Variants in WWC2 observed in about 807,000 individuals in gnomAD.
WWC2 encodes the protein protein WWC2.
A neutral mutation model predicts 138.5 loss-of-function variants in WWC2; 101 were observed. The ratio of observed to expected loss-of-function variants is 0.73; its 90% CI spans 0.62 to 0.86. The LOEUF (loss-of-function observed/expected upper bound fraction) is 0.86. WWC2 is among the 40% of genes least tolerant of loss of function. The pLI is 0.00. For synonymous variants in WWC2, 558 were observed against 538.4 expected (o/e 1.04, Z -0.50); for missense variants, 1,420 against 1,419.4 (o/e 1.00, Z -0.01).
chr4:183,220,631 G>A (rs142309849), intron 4 of WWC2, among the ~76,000 whole-genome samples: 8,826 of 151,568 alleles, frequency 0.058, 830 homozygotes, highest in African/African-American at 0.2. Flanking sequence ...TCAGGAGATT[G>A]AGACCATCCT....
chr4:183,287,491 G>A lies in WWC2; in HGVS notation c.3141+1432G>A, dbSNP rs953415241. Among the ~76,000 whole-genome samples, 8 of 152,228 alleles carry A rather than the reference G, an allele frequency of 5.3e-5. No homozygotes were observed. In the East Asian group the frequency reaches 5.8e-4, roughly 11 times the overall value. ...TATGAATCGAGTGGAGTTGAGAAAC[G>A]GTTAGGTTACTGATAAACTTAGTTA... On this transcript the variant is annotated intron_variant, in intron 20 of 22. Coordinates refer to ENST00000403733, the MANE Select transcript of WWC2 (RefSeq NM_024949.6).
At chr4:183,314,826 C>T (rs993809304) in intron 22 of WWC2, among the ~76,000 whole-genome samples, 2 of 152,198 alleles carry the variant, frequency 1.3e-5, no homozygotes, top group Non-Finnish European at 2.9e-5. Flanking sequence ...AGCAGTAGCT[C>T]GTTCCAGTGT....
intron 1 of WWC2, among the ~76,000 whole-genome samples, chr4:183,170,794 G>A (rs897450371): frequency 1.3e-5 from 2 of 151,868 alleles, no homozygotes; most frequent in African/African-American, 4.8e-5. Flanking sequence ...AACTCCTCAA[G>A]TGATCCTTTT....
chr4:183,201,799 A>G (rs1387975980), intron 2 of WWC2, among the ~76,000 whole-genome samples: 2 of 152,216 alleles, frequency 1.3e-5, no homozygotes, highest in Non-Finnish European at 2.9e-5. Flanking sequence ...TAGTATTTCT[A>G]TTCTAATCTA....
At position 183,200,069 on chromosome 4, in the gene WWC2, AT is replaced by A. The variant is rs143202573; in HGVS notation, c.241+6364del. Among the ~76,000 whole-genome samples, 787 of 152,278 alleles carry A rather than the reference AT, an allele frequency of 5.2e-3. 5 individuals are homozygous for A. Among genetic ancestry groups the A allele is most frequent in the African/African-American group, 0.018 (760 of 41,562 alleles). ...TTGGGAACCCTCTTTTGTAGTTCATATTTGAATTGTGCAGTATTTCAGAAAT... is the reference window on the plus strand; with the variant it reads ...TTGGGAACCCTCTTTTGTAGTTCATATTGAATTGTGCAGTATTTCAGAAAT... On this transcript the variant is annotated intron_variant, in intron 2 of 22. Coordinates refer to ENST00000403733, the MANE Select transcript of WWC2 (RefSeq NM_024949.6).
intron 1 of WWC2, among the ~76,000 whole-genome samples, chr4:183,118,753 T>C (rs938992426): frequency 2.0e-5 from 3 of 152,290 alleles, no homozygotes; most frequent in African/African-American, 7.2e-5. Context: ...AAAACATTCC[T>C]AAAATGCTAT....
chr4:183,133,500 T>C (rs1384497158), intron 1 of WWC2, among the ~76,000 whole-genome samples: 1 of 152,090 alleles, frequency 6.6e-6, no homozygotes, highest in Non-Finnish European at 1.5e-5. Context: ...TGCTTTTCTT[T>C]TACTTTTTCT....
chr4:183,202,772 G>A (rs1273234642), intron 2 of WWC2, among the ~76,000 whole-genome samples: 1 of 152,184 alleles, frequency 6.6e-6, no homozygotes, highest in East Asian at 1.9e-4. Flanking sequence ...GTTAACATGG[G>A]TGCAGAGTGA....
chr4:183,308,925 G>T (rs1370166878), intron 21 of WWC2, among the ~76,000 whole-genome samples: 1 of 152,082 alleles, frequency 6.6e-6, no homozygotes, highest in Non-Finnish European at 1.5e-5. Context: ...GATACAGAGG[G>T]CTGACTATAT....
intron 4 of WWC2, among the ~76,000 whole-genome samples, chr4:183,234,962 A>G (rs1396070566): frequency 6.6e-6 from 1 of 152,240 alleles, no homozygotes. Flanking sequence ...AGTAGCTAGA[A>G]TGATGCCAAG....
In WWC2 at chr4:183,289,400, G is replaced by A. The variant is rs1280639522; in HGVS notation, c.3149G>A (p.Cys1050Tyr). 3.7e-6 allele frequency: 6 copies of A among 1,611,008 alleles called. No homozygotes were observed. Among genetic ancestry groups the A allele is most frequent in the African/African-American group, 2.7e-5 (2 of 74,926 alleles). ...CCGTTTCTAACTATCCAGACGGTTT[G>A]CCAGTCAGTCCTTAGAAGAACAACA... ...RRSLRVKRTVCQSVLRRTTQE... is the reference protein window; with the variant it reads ...RRSLRVKRTVYQSVLRRTTQE... The change falls in exon 21 of 23, where the codon TGC becomes TAC. Residue 1050 changes from cysteine to tyrosine, a missense_variant. Coordinates refer to ENST00000403733, the MANE Select transcript of WWC2 (RefSeq NM_024949.6).
intron 1 of WWC2, among the ~76,000 whole-genome samples, chr4:183,142,377 C>A: frequency 6.6e-6 from 1 of 152,144 alleles, no homozygotes; most frequent in South Asian, 2.1e-4. Flanking sequence ...TAGGTTGCCA[C>A]CCCTCCCCTT....
chr4:183,271,771 A>G (rs1395693238), intron 16 of WWC2, among the ~76,000 whole-genome samples: 1 of 152,216 alleles, frequency 6.6e-6, no homozygotes, highest in African/African-American at 2.4e-5. Flanking sequence ...TGGGAAGCTG[A>G]GGCAGGCGAA....
At chr4:183,252,574 T>G (rs531855701) in intron 8 of WWC2, among the ~76,000 whole-genome samples, 15 of 152,202 alleles carry the variant, frequency 9.9e-5, no homozygotes, top group Non-Finnish European at 1.9e-4. Context: ...ATTTTCCTCC[T>G]CCTTCTCCTG....
intron 4 of WWC2, chr4:183,233,756 C>T (rs1193754913): frequency 6.6e-6 from 1 of 152,122 alleles, no homozygotes; most frequent in Non-Finnish European, 1.5e-5. Flanking sequence ...ATTCTGAATT[C>T]TTTGACTATC....
chr4:183,250,067 G>A, intron 8 of WWC2, 74 bp downstream of exon 8: 1 of 1,371,376 alleles, frequency 7.3e-7, no homozygotes, highest in Middle Eastern at 1.8e-4. Context: ...CTCCTGTGGT[G>A]ACATCTGCTG....
At chr4:183,202,450 A>C (rs1333590706) in intron 2 of WWC2, among the ~76,000 whole-genome samples, 2 of 152,176 alleles carry the variant, frequency 1.3e-5, no homozygotes, top group Non-Finnish European at 2.9e-5. Context: ...GACAAATGGA[A>C]AGTGCAACAT....
chr4:183,268,418 A>G (rs1467904708), intron 14 of WWC2, among the ~76,000 whole-genome samples: 1 of 152,204 alleles, frequency 6.6e-6, no homozygotes, highest in African/African-American at 2.4e-5. Context: ...TGGAGATGCT[A>G]GACAGTGATA....
intron 1 of WWC2, among the ~76,000 whole-genome samples, chr4:183,145,633 AT>A (rs1733431647): frequency 6.6e-6 from 1 of 152,228 alleles, no homozygotes; most frequent in African/African-American, 2.4e-5. Flanking sequence ...AGGAAGTTAA[AT>A]GCATAAGGAA....
Sources: gnomAD v4.1 joint callset for allele counts (sites outside exome capture counted in the v4.1 genomes callset) on GRCh38, gnomAD v4.1.1 for gene constraint, MANE v1.5 for transcripts, NCBI Gene and HGNC (gene_info 2026-07-23, HGNC 2026-07-21) for gene names.